Variants in LMO7 observed in about 807,000 individuals in gnomAD.
LMO7 encodes LIM domain 7, also known as LIM domain only protein 7.
Under a neutral mutation model 206.5 loss-of-function variants are expected in LMO7, and 120 were observed. The ratio of observed to expected loss-of-function variants is 0.58; its 90% CI spans 0.50 to 0.68. The LOEUF (loss-of-function observed/expected upper bound fraction) is 0.68. Among genes scored for constraint, LMO7 ranks in the 30% least tolerant of loss-of-function variants. LMO7 has a pLI of 0.00. For synonymous variants in LMO7, 706 were observed against 681.5 expected (o/e 1.04, Z -0.56); for missense variants, 1,959 against 1,957.9 (o/e 1.00, Z -0.01).
chr13:75,804,629 G>A lies in LMO7; in HGVS notation c.914+88G>A. The A allele has an allele frequency of 2.1e-6, 3 of 1,417,280 alleles. No individual in the cohort carries two copies. In the East Asian group the frequency reaches 6.9e-5, roughly 33 times the overall value. 87.8% of individuals were successfully genotyped at this position (1,417,280 alleles called of 1,614,324 possible). A position where few individuals can be genotyped will look rare whatever the true frequency, so the allele number is the denominator to read the frequency against. The stretch of plus-strand genomic sequence containing the variant: ...GTGGTAAAAAGAATGGCTCTTAAAT[G>A]TGTTTCATAGATCATATATTAAGCT... On this transcript the variant is annotated intron_variant, in intron 8 of 30. Transcript: ENST00000377534.
intron 6 of LMO7, among the ~76,000 whole-genome samples, chr13:75,796,999 T>G (rs2054099240): frequency 6.6e-6 from 1 of 152,328 alleles, no homozygotes; most frequent in Non-Finnish European, 1.5e-5. Flanking sequence ...GCTTACCTTT[T>G]AATTCTACAT....
chr13:75,804,593 G>A (rs1322213258), intron 8 of LMO7, 52 bp downstream of exon 8: 1 of 1,569,004 alleles, frequency 6.4e-7, no homozygotes, highest in Non-Finnish European at 8.7e-7. Context: ...GAATATGGTA[G>A]GATGTTAAAT....
intron 1 of LMO7, among the ~76,000 whole-genome samples, chr13:75,687,907 G>A (rs903878140): frequency 1.7e-4 from 26 of 152,150 alleles, no homozygotes; most frequent in African/African-American, 6.3e-4. Context: ...ATCCCCACGT[G>A]TTGTAGGAGG....
At chr13:75,813,704 G>T (rs1337792331) in intron 11 of LMO7, among the ~76,000 whole-genome samples, 1 of 152,234 alleles carries the variant, frequency 6.6e-6, no homozygotes, top group African/African-American at 2.4e-5. Context: ...GGGGCACCCA[G>T]GAGGAGGATG....
chr13:75,671,567 C>T (rs559838445), intron 1 of LMO7, among the ~76,000 whole-genome samples: 5 of 152,158 alleles, frequency 3.3e-5, no homozygotes, highest in African/African-American at 7.2e-5. Flanking sequence ...AGTTAACAAA[C>T]CTTCCTGTTC....
chr13:75,765,130 G>A (rs1410206380), intron 4 of LMO7, among the ~76,000 whole-genome samples: 1 of 152,060 alleles, frequency 6.6e-6, no homozygotes, highest in African/African-American at 2.4e-5. Context: ...TTGATTTTGT[G>A]GTAGTGCTCT....
At chr13:75,764,452 G>A (rs2048595088) in intron 4 of LMO7, among the ~76,000 whole-genome samples, 2 of 152,092 alleles carry the variant, frequency 1.3e-5, no homozygotes, top group Non-Finnish European at 2.9e-5. Context: ...ACAGCACACT[G>A]GAGAGCTCCT....
At chr13:75,807,261 C>A (rs994110275) in intron 9 of LMO7, 13 of 543,906 alleles carry the variant, frequency 2.4e-5, no homozygotes, top group Admixed American at 6.3e-5. Context: ...GTATGCTCTG[C>A]TCTTATTTCT....
rs747786296 is a variant in LMO7 at position 75,730,095 on chromosome 13, TG to T, written c.210+2999del. On this transcript the variant is annotated intron_variant, in intron 3 of 30. Transcript: ENST00000377534. ...GATATTGGTCTAAAATTCTCTTTTTTGGTTGTGTCTCTGCCAGGCTTTGGTA... is the reference window on the plus strand; with the variant it reads ...GATATTGGTCTAAAATTCTCTTTTTTGTTGTGTCTCTGCCAGGCTTTGGTA... Among the ~76,000 whole-genome samples, 462 of 152,086 alleles carry T rather than the reference TG, an allele frequency of 3.0e-3. 2 individuals carry two copies. Among genetic ancestry groups the T allele is most frequent in the African/African-American group, 0.01 (418 of 41,406 alleles).
chr13:75,858,542 A>G lies in LMO7; in HGVS notation c.*599A>G, dbSNP rs1037687576. 1 of 152,662 alleles carries G rather than the reference A, an allele frequency of 6.6e-6. No homozygotes were observed. The highest frequency in any genetic ancestry group is 1.5e-5 in the Non-Finnish European group (1 of 68,032). The allele number at this position is 152,662 out of a possible 1,614,324, so 9.5% of individuals were successfully genotyped here. A position where few individuals can be genotyped will look rare whatever the true frequency, so the allele number is the denominator to read the frequency against. ...TATTTTCTTTACCAGAAATGTTGCTAAGTAATTCCCAATAGAAAGCTGCTT... is the reference window on the plus strand; with the variant it reads ...TATTTTCTTTACCAGAAATGTTGCTGAGTAATTCCCAATAGAAAGCTGCTT... On this transcript the variant is annotated 3_prime_UTR_variant, in exon 31 of 31. Transcript: ENST00000377534.
chr13:75,732,883 G>T (rs1414686025), intron 3 of LMO7, among the ~76,000 whole-genome samples: 1 of 152,170 alleles, frequency 6.6e-6, no homozygotes, highest in Non-Finnish European at 1.5e-5. Flanking sequence ...TTTGCTAGAG[G>T]TCCACTCCAG....
At chr13:75,640,367 T>C (rs571463303) in intron 1 of LMO7, among the ~76,000 whole-genome samples, 1 of 152,282 alleles carries the variant, frequency 6.6e-6, no homozygotes, top group Admixed American at 6.5e-5. Context: ...TGCTCCCTAA[T>C]CCATTGCTTG....
At chr13:75,776,331 A>G (rs937197422) in intron 4 of LMO7, among the ~76,000 whole-genome samples, 1 of 150,852 alleles carries the variant, frequency 6.6e-6, no homozygotes, top group South Asian at 2.1e-4. Context: ...GAACTTCTGT[A>G]TAGTCATTTC....
intron 15 of LMO7, among the ~76,000 whole-genome samples, chr13:75,831,202 C>A (rs2058638747): frequency 6.6e-6 from 1 of 152,094 alleles, no homozygotes; most frequent in Admixed American, 6.6e-5. Flanking sequence ...CACATTTAAA[C>A]TGCTTTACAA....
chr13:75,680,900 G>A lies in LMO7; in HGVS notation c.70-32282G>A, dbSNP rs193074283. The stretch of plus-strand genomic sequence containing the variant: ...TGGTATCTCATTGTGGTTTTGATTC[G>A]CATTTCGCTAATCATCAGTGAGTTG... On this transcript the variant is annotated intron_variant, in intron 1 of 30. Coordinates refer to ENST00000377534, the MANE Select transcript of LMO7 (RefSeq NM_001306080.2). Among the ~76,000 whole-genome samples, 7 of 152,114 alleles carry A rather than the reference G, an allele frequency of 4.6e-5. No individual in the cohort carries two copies. The South Asian group carries it at 6.2e-4, about 14-fold the overall frequency.
chr13:75,737,772 T>TGAAATAAAAAAAAAAAAAAA (rs1297459603), intron 3 of LMO7, among the ~76,000 whole-genome samples: 1 of 5,814 alleles, frequency 1.7e-4, no homozygotes, highest in Non-Finnish European at 2.6e-4. Flanking sequence ...AAAAATAAAA[T>TGAAATAAAAAAAAAAAAAAA]AAAATAAAAT....
intron 6 of LMO7, among the ~76,000 whole-genome samples, chr13:75,800,168 G>T (rs2054551393): frequency 6.6e-6 from 1 of 152,144 alleles, no homozygotes; most frequent in African/African-American, 2.4e-5. Context: ...TTTCTGGGGG[G>T]AGAGTTAACT....
intron 1 of LMO7, among the ~76,000 whole-genome samples, chr13:75,682,481 A>T (rs900801330): frequency 3.3e-5 from 5 of 152,026 alleles, no homozygotes; most frequent in Non-Finnish European, 7.4e-5. Context: ...GCCACCCAGG[A>T]TGGGTAGTTT....
rs200462778 is a variant in LMO7 at position 75,639,566 on chromosome 13, G to GT, written c.69+2840_69+2841insT. 2.0e-3 allele frequency among the ~76,000 whole-genome samples: 276 copies of GT among 136,770 alleles called. 2 individuals carry two copies. Among genetic ancestry groups the GT allele is most frequent in the African/African-American group, 7.1e-3 (263 of 36,974 alleles). The allele number at this position is 136,770 out of a possible 152,430, so 89.7% of individuals were successfully genotyped here. A position where few individuals can be genotyped will look rare whatever the true frequency, so the allele number is the denominator to read the frequency against. Reference sequence around the variant, plus strand: ...AAGGCTACGCAGTGGCTGATGAAGTGGTGGAAAATACAGCCTGGACTCTAA... The same window carrying GT: ...AAGGCTACGCAGTGGCTGATGAAGTGTGTGGAAAATACAGCCTGGACTCTAA... On this transcript the variant is annotated intron_variant, in intron 1 of 30. Coordinates refer to ENST00000377534, the MANE Select transcript of LMO7 (RefSeq NM_001306080.2).
Sources: allele counts gnomAD v4.1 joint callset (sites outside exome capture counted in the v4.1 genomes callset), GRCh38; gene constraint gnomAD v4.1.1; transcripts MANE v1.5; gene names NCBI Gene and HGNC (gene_info 2026-07-23, HGNC 2026-07-21).